Variants in EPHA3 observed in about 807,000 individuals in gnomAD.
EPHA3 encodes EPH receptor A3.
In EPHA3, 42 loss-of-function variants were observed where a neutral mutation model predicts 107.1. The ratio of observed to expected loss-of-function variants is 0.39; its 90% CI spans 0.31 to 0.51. EPHA3 has a LOEUF of 0.51. EPHA3 is among the 20% of genes least tolerant of loss of function. The pLI, the probability that EPHA3 is intolerant of heterozygous loss-of-function variation, is 0.78. For missense variants in EPHA3, 1,183 were observed against 1,211.2 expected (o/e 0.98, Z 0.35); for synonymous variants, 461 against 424.8 (o/e 1.09, Z -1.05).
At chr3:89,467,005 A>G (rs1483816905) in intron 15 of EPHA3, among the ~76,000 whole-genome samples, 2 of 152,162 alleles carry the variant, frequency 1.3e-5, no homozygotes, top group Admixed American at 6.5e-5. Context: ...TTTCTCCTTA[A>G]TGTGTCATTT....
intron 5 of EPHA3, among the ~76,000 whole-genome samples, chr3:89,389,685 T>G (rs1329200790): frequency 6.6e-6 from 1 of 152,192 alleles, no homozygotes; most frequent in East Asian, 1.9e-4. Context: ...TAAAACACCA[T>G]AGTTAAAACA....
intron 13 of EPHA3, among the ~76,000 whole-genome samples, chr3:89,444,943 T>C (rs1217261149): frequency 6.6e-5 from 10 of 152,180 alleles, no homozygotes; most frequent in Non-Finnish European, 1.5e-4. Context: ...AAATGTTTCA[T>C]GAATATTGAA....
chr3:89,410,375 C>A (rs568090601), intron 9 of EPHA3, among the ~76,000 whole-genome samples: 2 of 152,016 alleles, frequency 1.3e-5, no homozygotes, highest in African/African-American at 4.8e-5. Flanking sequence ...CACACAATTT[C>A]AAGTCTGTTT....
intron 16 of EPHA3, among the ~76,000 whole-genome samples, chr3:89,475,425 T>C (rs1710486898): frequency 6.6e-6 from 1 of 152,182 alleles, no homozygotes; most frequent in African/African-American, 2.4e-5. Context: ...AAAAGATCAA[T>C]AAAATTTCAC....
intron 4 of EPHA3, 43 bp from the exon 5 acceptor site, chr3:89,341,712 A>T (rs774765810): frequency 6.8e-7 from 1 of 1,467,380 alleles, no homozygotes; most frequent in Admixed American, 2.0e-5. Flanking sequence ...TGTAGTAGAA[A>T]ACAGAAGTGA....
chr3:89,187,043 C>A (rs531413497), intron 2 of EPHA3, among the ~76,000 whole-genome samples: 13 of 151,800 alleles, frequency 8.6e-5, no homozygotes, highest in African/African-American at 3.1e-4. Context: ...GTGTATTGAA[C>A]TTAATAGTAG....
At chr3:89,468,897 T>A (rs1373171299) in intron 15 of EPHA3, among the ~76,000 whole-genome samples, 1 of 152,118 alleles carries the variant, frequency 6.6e-6, no homozygotes, top group Non-Finnish European at 1.5e-5. Context: ...AATACAAAAT[T>A]TTCAATTATA....
intron 5 of EPHA3, among the ~76,000 whole-genome samples, chr3:89,347,098 A>C (rs1344667645): frequency 2.8e-5 from 4 of 143,692 alleles, no homozygotes; most frequent in Non-Finnish European, 6.1e-5. Flanking sequence ...CTTGGCAATG[A>C]GGGCTCTTTT....
intron 2 of EPHA3, among the ~76,000 whole-genome samples, chr3:89,144,386 T>C (rs1212065042): frequency 6.6e-6 from 1 of 151,594 alleles, no homozygotes; most frequent in African/African-American, 2.4e-5. Flanking sequence ...ACCATCTATG[T>C]ATCCTTCCAG....
chr3:89,156,306 G>A (rs1316814447), intron 2 of EPHA3, among the ~76,000 whole-genome samples: 2 of 152,012 alleles, frequency 1.3e-5, no homozygotes, highest in Non-Finnish European at 2.9e-5. Flanking sequence ...TTATTTGGAT[G>A]TTAGAAATCC....
chr3:89,139,977 C>A (rs752728532), intron 2 of EPHA3, among the ~76,000 whole-genome samples: 3 of 151,820 alleles, frequency 2.0e-5, no homozygotes, highest in Non-Finnish European at 4.4e-5. Flanking sequence ...AATAGAGCTA[C>A]TTTTCTCAGC....
At chr3:89,429,920 T>C (rs1709533655) in intron 12 of EPHA3, among the ~76,000 whole-genome samples, 1 of 152,026 alleles carries the variant, frequency 6.6e-6, no homozygotes, top group Non-Finnish European at 1.5e-5. Context: ...CCCACCATCA[T>C]GCCTGGCTAG....
intron 15 of EPHA3, among the ~76,000 whole-genome samples, chr3:89,456,305 G>C (rs1710096484): frequency 6.6e-6 from 1 of 152,156 alleles, no homozygotes; most frequent in South Asian, 2.1e-4. Flanking sequence ...TCTGAATGGT[G>C]TAGTTATTCA....
chr3:89,210,036 A>G lies in EPHA3; in HGVS notation c.330A>G (p.Pro110=). 2 of 1,614,024 alleles carry G rather than the reference A, an allele frequency of 1.2e-6. No homozygotes were observed. Among genetic ancestry groups the G allele is most frequent in the South Asian group, 1.1e-5 (1 of 91,084 alleles). ...KFTLRDCNSI[P]LVLGTCKETF... ...CTCTACGAGACTGCAATAGCATTCC[A>G]TTGGTTTTAGGAACTTGCAAGGAGA... Residue 110 remains proline, a synonymous_variant, in exon 3 of 17, where the codon CCA becomes CCG. Coordinates refer to ENST00000336596, the MANE Select transcript of EPHA3 (RefSeq NM_005233.6).
chr3:89,365,852 T>C (rs538561616), intron 5 of EPHA3, among the ~76,000 whole-genome samples: 2 of 150,888 alleles, frequency 1.3e-5, no homozygotes, highest in East Asian at 3.9e-4. Context: ...TTTCTTCACC[T>C]GGGCAGAAAT....
intron 1 of EPHA3, among the ~76,000 whole-genome samples, chr3:89,117,074 G>A (rs1156773079): frequency 6.6e-6 from 1 of 152,102 alleles, no homozygotes; most frequent in East Asian, 1.9e-4. Context: ...AGGGACTTAA[G>A]CAAATAGAGA....
At chr3:89,122,318 T>C (rs1251250756) in intron 1 of EPHA3, among the ~76,000 whole-genome samples, 1 of 152,346 alleles carries the variant, frequency 6.6e-6, no homozygotes, top group East Asian at 1.9e-4. Flanking sequence ...AGTGGTTTTA[T>C]AGTTATTTGT....
intron 3 of EPHA3, among the ~76,000 whole-genome samples, chr3:89,245,751 G>A (rs537645686): frequency 6.6e-6 from 1 of 152,254 alleles, no homozygotes; most frequent in South Asian, 2.1e-4. Flanking sequence ...TGGCCATCCA[G>A]CTGGCATCTA....
intron 5 of EPHA3, among the ~76,000 whole-genome samples, chr3:89,391,919 T>C (rs1161654661): frequency 6.6e-6 from 1 of 152,196 alleles, no homozygotes; most frequent in Non-Finnish European, 1.5e-5. Context: ...AACAAAAATG[T>C]ATTTTACATA....
Sources: allele counts gnomAD v4.1 joint callset (sites outside exome capture counted in the v4.1 genomes callset), GRCh38; gene constraint gnomAD v4.1.1; transcripts MANE v1.5; gene names NCBI Gene and HGNC (gene_info 2026-07-23, HGNC 2026-07-21).